Variants in PLCH2 observed in about 807,000 individuals in gnomAD.
PLCH2 encodes phospholipase C eta 2.
Under a neutral mutation model 134.7 loss-of-function variants are expected in PLCH2, and 98 were observed. That is an observed-to-expected ratio of 0.73 (90% CI 0.62 to 0.86). The LOEUF (loss-of-function observed/expected upper bound fraction) is 0.86, where lower values mean the gene tolerates loss of function less well. Ranked by LOEUF, PLCH2 falls within the 40% of genes least tolerant of loss-of-function variation. The probability of loss-of-function intolerance (pLI) is 0.00; values close to 1 mark genes in which losing one functional copy is unlikely to be tolerated. For synonymous variants in PLCH2, 974 were observed against 827.5 expected, an observed-to-expected ratio of 1.18 and a Z score of -3.04; for missense variants, 1,994 against 1,986.6, an observed-to-expected ratio of 1.00 and a Z score of -0.07.
chr1:2,441,002 C>T (rs1639667862), intron 2 of PLCH2, among the ~76,000 whole-genome samples: 1 of 152,172 alleles, frequency 6.6e-6, no homozygotes, highest in Non-Finnish European at 1.5e-5. Flanking sequence ...GGAAACCGCC[C>T]CGACCATGCT....
upstream of PLCH2, among the ~76,000 whole-genome samples, chr1:2,471,866 TGCCATGGG>T (rs1331966708): frequency 6.6e-6 from 1 of 152,172 alleles, no homozygotes; most frequent in Non-Finnish European, 1.5e-5. Flanking sequence ...AGCTGGGTAC[TGCCATGGG>T]GTCAGGCCCT....
rs572265132 is a variant in PLCH2, at chr1:2,429,662, A to G, written c.-177-676A>G. Among the ~76,000 whole-genome samples the G allele has an allele frequency of 1.6e-4, 24 of 152,278 alleles. No individual in the cohort carries two copies. The South Asian group carries it at 5.0e-3, about 32-fold the overall frequency. ...TGGCAGACATTACCAGGGAGACCAA[A>G]GGGGCCTTGATTCACTGCATGGGCT... is the stretch of plus-strand genomic sequence containing the variant. On this transcript the variant is annotated intron_variant, in intron 1 of 3. Coordinates refer to the PLCH2 transcript ENST00000609981.
chr1:2,489,753 C>G lies in PLCH2; in HGVS notation c.1408-7C>G, dbSNP rs778441760. Reference sequence around the variant, plus strand: ...GGGCCCCTCCCATCATGCACCTCCTCCCCCAGGGGAAGAAGCTCCCAGCCA... The same window carrying G: ...GGGCCCCTCCCATCATGCACCTCCTGCCCCAGGGGAAGAAGCTCCCAGCCA... On this transcript the variant is annotated splice_polypyrimidine_tract_variant and splice_region_variant and intron_variant, in intron 9 of 21. Transcript: ENST00000378486. 14 of 1,608,766 alleles carry G rather than the reference C, an allele frequency of 8.7e-6. No homozygotes were observed. The highest frequency in any genetic ancestry group is 1.7e-5 in the Admixed American group (1 of 59,996).
At chr1:2,503,494 T>C (rs1330200309) in intron 21 of PLCH2, 9 of 645,170 alleles carry the variant, frequency 1.4e-5, no homozygotes, top group East Asian at 1.1e-4. Flanking sequence ...AGCACCCCAC[T>C]AGAAGGGTGT....
At chr1:2,478,952 C>T in intron 2 of PLCH2, 1 of 350,964 alleles carries the variant, frequency 2.8e-6, no homozygotes, top group South Asian at 5.2e-5. Flanking sequence ...ACAGAAACGA[C>T]CCCCACAGAG....
At chr1:2,453,689 G>A (rs990573653) in intron 2 of PLCH2, among the ~76,000 whole-genome samples, 2 of 152,220 alleles carry the variant, frequency 1.3e-5, no homozygotes, top group Non-Finnish European at 2.9e-5. Flanking sequence ...AGAGGAAAGT[G>A]CACCCCAGTG....
Position 2,498,660 on chromosome 1 carries a change from C to T in PLCH2, c.2349+13C>T. ...GGACCGTGGGGAGGTGGGGGCCAGC[C>T]CCACACAGGCGGGAGGGGTGGGAGT... On this transcript the variant is annotated intron_variant, in intron 17 of 21. Coordinates refer to ENST00000378486, the MANE Select transcript of PLCH2 (RefSeq NM_014638.4). This position sits in a 1 kb window ranked among gnomAD's most constrained non-coding sequence, Gnocchi z 5.4. The T allele has an allele frequency of 3.4e-6, 5 of 1,484,726 alleles. No individual in the cohort carries two copies. Among genetic ancestry groups the T allele is most frequent in the Non-Finnish European group, 3.7e-6 (4 of 1,090,632 alleles). The allele number at this position is 1,484,726 out of a possible 1,614,324, so 92.0% of individuals were successfully genotyped here. A position where few individuals can be genotyped will look rare whatever the true frequency, so the allele number is the denominator to read the frequency against.
chr1:2,428,948 C>T (rs1049111786), intron 1 of PLCH2, among the ~76,000 whole-genome samples: 12 of 151,772 alleles, frequency 7.9e-5, no homozygotes, highest in African/African-American at 7.3e-5. Context: ...CTGGGGGCCC[C>T]GGGGTGGGTG....
exon 2 of PLCH2, chr1:2,430,393 C>T (rs36110721): frequency 0.1 from 15,787 of 152,400 alleles, 943 homozygotes; most frequent in East Asian, 0.25. Flanking sequence ...CCGGGGGCCC[C>T]GGGAGCAGAG....
At chr1:2,436,300 TTCTTCCC>T (rs147711811) in intron 2 of PLCH2, among the ~76,000 whole-genome samples, 3 of 42,384 alleles carry the variant, frequency 7.1e-5, no homozygotes, top group South Asian at 1.2e-3. Context: ...CCTTTCCTCC[TTCTTCCC>T]TCCTCCCTTC....
chr1:2,448,976 C>T lies in PLCH2; in HGVS notation c.115+18347C>T, dbSNP rs537338012. 1.3e-4 allele frequency among the ~76,000 whole-genome samples: 20 copies of T among 152,186 alleles called. No homozygotes were observed. The highest frequency in any genetic ancestry group is 1.9e-4 in the Non-Finnish European group (13 of 68,032). ...TCCTTTGCTGGCGCGGGGAAAGGGCCGTGGGCTTGGGCCCTGGAACGCATC... is the reference window on the plus strand; with the variant it reads ...TCCTTTGCTGGCGCGGGGAAAGGGCTGTGGGCTTGGGCCCTGGAACGCATC... On this transcript the variant is annotated intron_variant, in intron 2 of 3. Transcript: ENST00000609981. This position sits in a 1 kb window ranked among gnomAD's most constrained non-coding sequence, Gnocchi z 4.0.
intron 1 of PLCH2, among the ~76,000 whole-genome samples, chr1:2,470,798 G>A (rs1229126028): frequency 6.6e-6 from 1 of 152,180 alleles, no homozygotes; most frequent in Non-Finnish European, 1.5e-5. Flanking sequence ...GGCTCCATCT[G>A]GTGACTTTTC....
Position 2,504,541 on chromosome 1 carries a change from C to T in PLCH2, c.3579C>T (p.Asp1193=), listed in dbSNP as rs1319708107. The T allele has an allele frequency of 4.3e-6, 7 of 1,612,644 alleles. No individual in the cohort carries two copies. Among genetic ancestry groups the T allele is most frequent in the Non-Finnish European group, 5.9e-6 (7 of 1,179,796 alleles). ...RPHSASAARP[D]LPPVTKSKSN... is the part of the protein sequence containing the mutation. ...ACTCGGCTTCGGCTGCCCGCCCAGA[C>T]CTGCCACCTGTGACCAAGAGCAAAT... Residue 1193 remains aspartate, a synonymous_variant, in exon 22 of 22, where the codon GAC becomes GAT. Coordinates refer to ENST00000378486, the MANE Select transcript of PLCH2 (RefSeq NM_014638.4).
chr1:2,428,794 C>T (rs1397698082), intron 1 of PLCH2, among the ~76,000 whole-genome samples: 1 of 152,246 alleles, frequency 6.6e-6, no homozygotes, highest in Non-Finnish European at 1.5e-5. Flanking sequence ...TTCCAGCCGC[C>T]TCGGGGAACC....
At chr1:2,453,201 G>A (rs1473725732) in intron 2 of PLCH2, among the ~76,000 whole-genome samples, 1 of 152,164 alleles carries the variant, frequency 6.6e-6, no homozygotes, top group Non-Finnish European at 1.5e-5. Flanking sequence ...CAAAACGCAA[G>A]TCTGCCCCCC....
rs1641224368 is a variant in PLCH2 at position 2,469,477 on chromosome 1, CAGCTAATG to C, written c.43+1820_43+1827del. Reference sequence around the variant, plus strand: ...TCCTGGGTCCAGCCCTCCATCTGCACAGCTAATGAGCTGATGACGATGGCGTCCCAGTT... The same window carrying C: ...TCCTGGGTCCAGCCCTCCATCTGCACAGCTGATGACGATGGCGTCCCAGTT... On this transcript the variant is annotated intron_variant, in intron 1 of 21. Transcript: ENST00000449969. 3.3e-5 allele frequency among the ~76,000 whole-genome samples: 5 copies of C among 152,358 alleles called. No homozygotes were observed. In the South Asian group the frequency reaches 1.0e-3, roughly 32 times the overall value.
At chr1:2,502,484 C>A in intron 21 of PLCH2, 75 bp downstream of exon 21, 1 of 1,413,114 alleles carries the variant, frequency 7.1e-7, no homozygotes, top group Non-Finnish European at 9.8e-7. Context: ...CGGCCCCGGG[C>A]CTGCTGGGAT....
upstream of PLCH2, among the ~76,000 whole-genome samples, chr1:2,467,057 C>T (rs935493157): frequency 1.3e-5 from 2 of 152,168 alleles, no homozygotes; most frequent in African/African-American, 4.8e-5. Flanking sequence ...CTCTTCTTGG[C>T]TGCAGCCTGC....
At chr1:2,419,035 G>A in the PLCH2 span, among the ~76,000 whole-genome samples, 1 of 152,232 alleles carries the variant, frequency 6.6e-6, no homozygotes, top group East Asian at 1.9e-4. Flanking sequence ...TCTCTCTGCG[G>A]TTGGCACGGC....
Sources: gnomAD v4.1 joint callset for allele counts (sites outside exome capture counted in the v4.1 genomes callset) on GRCh38, gnomAD v4.1.1 for gene constraint, Gnocchi (gnomAD v3.1) non-coding constraint, MANE v1.5 for transcripts, NCBI Gene and HGNC (gene_info 2026-07-23, HGNC 2026-07-21) for gene names.